TLN2: variants seen among roughly 807,000 people sequenced by gnomAD.
The protein encoded by TLN2 is talin-2.
In TLN2, 118 loss-of-function variants were observed where a neutral mutation model predicts 294.7. The ratio of observed to expected loss-of-function variants is 0.40; its 90% CI spans 0.34 to 0.47. The LOEUF is 0.47. TLN2 is among the 20% of genes least tolerant of loss of function. The pLI, the probability that TLN2 is intolerant of heterozygous loss-of-function variation, is 0.84. For synonymous variants in TLN2, 1,431 were observed against 1,304.5 expected (o/e 1.10, Z -2.09); for missense variants, 3,083 against 3,282.2 (o/e 0.94, Z 1.48).
intron 11 of TLN2, among the ~76,000 whole-genome samples, chr15:62,680,484 T>C (rs78041850): frequency 6.8e-4 from 103 of 151,926 alleles, no homozygotes; most frequent in Non-Finnish European, 1.2e-3. Flanking sequence ...GCCCTTAGAG[T>C]ATGTATGTAA....
At chr15:62,740,880 C>A in intron 32 of TLN2, 111 bp downstream of exon 32, 1 of 1,421,182 alleles carries the variant, frequency 7.0e-7, no homozygotes, top group South Asian at 1.3e-5. Context: ...TGGTGCTGTC[C>A]TTAGGTCATG....
chr15:62,624,351 G>A (rs1203079944), intron 3 of TLN2, among the ~76,000 whole-genome samples: 1 of 152,158 alleles, frequency 6.6e-6, no homozygotes, highest in African/African-American at 2.4e-5. Context: ...CTGCTTCTCA[G>A]CTGATAGAGT....
chr15:62,819,571 G>A lies in TLN2; in HGVS notation c.6827G>A (p.Arg2276Gln), dbSNP rs781390797. The change falls in exon 53 of 59, where the codon CGA becomes CAA. Residue 2276 changes from arginine to glutamine, a missense_variant. Coordinates refer to ENST00000636159, the MANE Select transcript of TLN2 (RefSeq NM_015059.3). ...CAGCAGCTGGCCGCTTTCTCCAAGC[G>A]AGTCGCCGGCGCTGTGACAGAGCTC... ...FKQQLAAFSK[R>Q]VAGAVTELIQ... 40 of 1,613,556 alleles carry A rather than the reference G, an allele frequency of 2.5e-5. No homozygotes were observed. Among genetic ancestry groups the A allele is most frequent in the East Asian group, 1.1e-4 (5 of 44,876 alleles).
In TLN2 at chr15:62,722,391, G is replaced by A. The variant is rs752648622; in HGVS notation, c.3030G>A (p.Val1010=). 1.2e-6 allele frequency: 2 copies of A among 1,613,196 alleles called. No homozygotes were observed. Among genetic ancestry groups the A allele is most frequent in the Non-Finnish European group, 1.7e-6 (2 of 1,179,404 alleles). Residue 1010 remains valine (V), a synonymous_variant, in exon 26 of 59, where the codon GTG becomes GTA. Coordinates refer to ENST00000636159, the MANE Select transcript of TLN2 (RefSeq NM_015059.3). ...SKMVSSAKAA[V]PTVSDQAAAM... is the part of the protein sequence containing the mutation. ...TGGTGTCCTCTGCCAAAGCCGCAGT[G>A]CCCACCGTGAGTGACCAGGCCGCAG...
chr15:62,702,116 C>G lies in TLN2; in HGVS notation c.1821C>G (p.Ser607Arg), dbSNP rs376594303. The G allele has an allele frequency of 3.1e-6, 5 of 1,613,930 alleles. No homozygotes were observed. The highest frequency in any genetic ancestry group is 4.2e-6 in the Non-Finnish European group (5 of 1,180,016). ...CCCTCATGGATGATGAGGTGGGCAGCGGGGAGGACTTGCTCAGAGCTGCCA... is the reference window on the plus strand; with the variant it reads ...CCCTCATGGATGATGAGGTGGGCAGGGGGGAGGACTTGCTCAGAGCTGCCA... ...LAALMDDEVG[S>R]GEDLLRAART... The change falls in exon 18 of 59, where the codon AGC becomes AGG. Residue 607 changes from serine to arginine, a missense_variant. Transcript: ENST00000636159.
At chr15:62,755,838 G>A in intron 37 of TLN2, 145 bp downstream of exon 37, 1 of 1,142,492 alleles carries the variant, frequency 8.8e-7, no homozygotes, top group South Asian at 1.6e-5. Context: ...CACTGAATAG[G>A]CATCCCTTAC....
At chr15:62,649,041 T>G (rs2052270825) in intron 4 of TLN2, among the ~76,000 whole-genome samples, 1 of 151,890 alleles carries the variant, frequency 6.6e-6, no homozygotes, top group Non-Finnish European at 1.5e-5. Flanking sequence ...AGATACAAGG[T>G]CTTGCTATGT....
intron 1 of TLN2, among the ~76,000 whole-genome samples, chr15:62,449,014 G>A (rs1208563069): frequency 6.6e-6 from 1 of 152,102 alleles, no homozygotes; most frequent in Non-Finnish European, 1.5e-5. Context: ...AGTTTTAGGG[G>A]GAAATGAGCT....
intron 14 of TLN2, among the ~76,000 whole-genome samples, chr15:62,696,514 C>G (rs2058348422): frequency 6.6e-6 from 1 of 152,140 alleles, no homozygotes; most frequent in South Asian, 2.1e-4. Context: ...CAAGACCAGC[C>G]TGGCTAATAT....
chr15:62,643,698 C>G (rs2051447447), intron 3 of TLN2, among the ~76,000 whole-genome samples: 1 of 152,010 alleles, frequency 6.6e-6, no homozygotes, highest in African/African-American at 2.4e-5. Context: ...CTCCTGCTCT[C>G]TGAAGGCAGC....
intron 2 of TLN2, among the ~76,000 whole-genome samples, chr15:62,590,369 C>T (rs972418348): frequency 3.3e-5 from 5 of 152,074 alleles, no homozygotes; most frequent in Admixed American, 1.3e-4. Context: ...CCATTGTTTC[C>T]GTGTGTTCTC....
At chr15:62,623,548 G>A (rs891178879) in intron 3 of TLN2, among the ~76,000 whole-genome samples, 3 of 152,160 alleles carry the variant, frequency 2.0e-5, no homozygotes, top group East Asian at 1.9e-4. Flanking sequence ...AGAATGCATC[G>A]TACCTAAATT....
intron 28 of TLN2, among the ~76,000 whole-genome samples, chr15:62,732,610 C>T (rs2060791085): frequency 6.6e-6 from 1 of 152,196 alleles, no homozygotes; most frequent in East Asian, 1.9e-4. Context: ...GTCGCCCTTC[C>T]TCCTGTGTGT....
chr15:62,667,273 G>A (rs72755855), intron 9 of TLN2, among the ~76,000 whole-genome samples: 1 of 152,166 alleles, frequency 6.6e-6, no homozygotes, highest in Admixed American at 6.5e-5. Flanking sequence ...GCGAACACTG[G>A]CATTTCTGTC....
intron 9 of TLN2, among the ~76,000 whole-genome samples, chr15:62,670,026 A>G (rs2055206403): frequency 6.6e-6 from 1 of 152,194 alleles, no homozygotes; most frequent in African/African-American, 2.4e-5. Flanking sequence ...GGAGTTTGAA[A>G]GAAGGGCGCT....
At chr15:62,469,390 G>C (rs2037339893) in intron 1 of TLN2, among the ~76,000 whole-genome samples, 1 of 152,192 alleles carries the variant, frequency 6.6e-6, no homozygotes, top group African/African-American at 2.4e-5. Flanking sequence ...CTTTTGTGTG[G>C]ATTTATAAAT....
At chr15:62,600,165 T>G (rs1240388798) in intron 2 of TLN2, among the ~76,000 whole-genome samples, 1 of 152,078 alleles carries the variant, frequency 6.6e-6, no homozygotes, top group Non-Finnish European at 1.5e-5. Flanking sequence ...AGGACAGAAG[T>G]TTAGTTTTCT....
chr15:62,699,948 A>C (rs1053709100), intron 16 of TLN2, among the ~76,000 whole-genome samples: 2 of 152,178 alleles, frequency 1.3e-5, no homozygotes, highest in African/African-American at 4.8e-5. Context: ...TGGTGCCATC[A>C]CAGGGGCCAG....
chr15:62,682,191 A>G (rs774837256), intron 11 of TLN2, among the ~76,000 whole-genome samples: 6 of 152,378 alleles, frequency 3.9e-5, no homozygotes, highest in Admixed American at 6.5e-5. Flanking sequence ...GAAAGCAGCC[A>G]TAGGCAAAAT....
Sources: gnomAD v4.1 joint callset for allele counts (sites outside exome capture counted in the v4.1 genomes callset) on GRCh38, gnomAD v4.1.1 for gene constraint, MANE v1.5 for transcripts, NCBI Gene and HGNC (gene_info 2026-07-23, HGNC 2026-07-21) for gene names.